CDKAL1: variants seen among roughly 807,000 people sequenced by gnomAD.
CDKAL1 encodes CDKAL1 threonylcarbamoyladenosine tRNA methylthiotransferase, also known as threonylcarbamoyladenosine tRNA methylthiotransferase.
A neutral mutation model predicts 68.2 loss-of-function variants in CDKAL1; 32 were observed. That is an observed-to-expected ratio of 0.47 (90% CI 0.35 to 0.63). CDKAL1 has a LOEUF of 0.63. CDKAL1 is among the 30% of genes least tolerant of loss of function. CDKAL1 has a pLI of 0.00. For synonymous variants in CDKAL1, 234 were observed against 244.3 expected (o/e 0.96, Z 0.39); for missense variants, 606 against 696.7 (o/e 0.87, Z 1.47).
intron 4 of CDKAL1, among the ~76,000 whole-genome samples, chr6:20,636,003 C>T (rs1450889302): frequency 6.6e-6 from 1 of 152,086 alleles, no homozygotes; most frequent in African/African-American, 2.4e-5. Flanking sequence ...CCTGATTTTG[C>T]CAGATTCTTC....
chr6:20,771,623 T>C (rs1227570493), intron 7 of CDKAL1, among the ~76,000 whole-genome samples: 1 of 152,174 alleles, frequency 6.6e-6, no homozygotes, highest in Non-Finnish European at 1.5e-5. Flanking sequence ...CATTTTGAAA[T>C]GTGATCCTCG....
At chr6:20,881,572 T>C (rs1364496100) in intron 9 of CDKAL1, among the ~76,000 whole-genome samples, 1 of 152,186 alleles carries the variant, frequency 6.6e-6, no homozygotes, top group African/African-American at 2.4e-5. Flanking sequence ...ACCTTTCCTA[T>C]TAATTATTAA....
intron 8 of CDKAL1, among the ~76,000 whole-genome samples, chr6:20,785,891 C>A (rs1775651180): frequency 6.6e-6 from 1 of 152,128 alleles, no homozygotes; most frequent in Non-Finnish European, 1.5e-5. Flanking sequence ...TTAGACTTTG[C>A]AAAGTTGTTA....
chr6:21,000,865 CAAG>C (rs1767392016), intron 11 of CDKAL1, among the ~76,000 whole-genome samples: 1 of 152,198 alleles, frequency 6.6e-6, no homozygotes, highest in Non-Finnish European at 1.5e-5. Flanking sequence ...TTGTGATTTA[CAAG>C]AAGGTTTGAG....
chr6:20,888,730 A>G (rs1041709405), intron 9 of CDKAL1, among the ~76,000 whole-genome samples: 3 of 152,046 alleles, frequency 2.0e-5, no homozygotes, highest in Middle Eastern at 3.4e-3. Flanking sequence ...GTAGAATTCC[A>G]TGGTGTATAT....
At chr6:20,755,904 A>T (rs1373465306) in intron 6 of CDKAL1, among the ~76,000 whole-genome samples, 1 of 152,134 alleles carries the variant, frequency 6.6e-6, no homozygotes, top group East Asian at 1.9e-4. Context: ...CTGTTATTTT[A>T]TGATATGCTT....
intron 8 of CDKAL1, among the ~76,000 whole-genome samples, chr6:20,806,959 T>A (rs1409751007): frequency 6.6e-6 from 1 of 152,078 alleles, no homozygotes; most frequent in Non-Finnish European, 1.5e-5. Flanking sequence ...AAATGTAGAG[T>A]GTTTAAAGCA....
chr6:20,569,974 G>A (rs561240269), intron 4 of CDKAL1, among the ~76,000 whole-genome samples: 1 of 152,090 alleles, frequency 6.6e-6, no homozygotes, highest in African/African-American at 2.4e-5. Context: ...TGTGTTGGAG[G>A]GTGTCTGGGA....
At chr6:20,535,909 C>T (rs933899355) in intron 2 of CDKAL1, among the ~76,000 whole-genome samples, 1 of 152,112 alleles carries the variant, frequency 6.6e-6, no homozygotes, top group East Asian at 1.9e-4. Context: ...ATGTTGACAT[C>T]TTTTCATGTG....
chr6:20,838,710 C>T (rs566683255), intron 8 of CDKAL1, among the ~76,000 whole-genome samples: 5 of 152,220 alleles, frequency 3.3e-5, no homozygotes, highest in East Asian at 3.9e-4. Flanking sequence ...CAGTGGTTCA[C>T]GCCTGTAATC....
intron 10 of CDKAL1, among the ~76,000 whole-genome samples, chr6:20,997,711 G>A (rs1020340274): frequency 2.6e-5 from 4 of 152,040 alleles, no homozygotes; most frequent in African/African-American, 7.2e-5. Context: ...TCTCTGGCCC[G>A]GGGTCATGTT....
chr6:20,728,814 G>A lies in CDKAL1; in HGVS notation c.372-10705G>A, dbSNP rs1379660420. Among the ~76,000 whole-genome samples the A allele has an allele frequency of 4.6e-5, 7 of 152,154 alleles. No individual in the cohort carries two copies. In the East Asian group the frequency reaches 9.6e-4, roughly 21 times the overall value. On this transcript the variant is annotated intron_variant, in intron 5 of 15. Coordinates refer to ENST00000274695, the MANE Select transcript of CDKAL1 (RefSeq NM_017774.3). ...TCTCTATAATAAGAAAGGTAAACACGTTGTGGAAACATTTTTATTAGAATG... is the reference window on the plus strand; with the variant it reads ...TCTCTATAATAAGAAAGGTAAACACATTGTGGAAACATTTTTATTAGAATG...
chr6:20,760,163 A>G (rs974226905), intron 7 of CDKAL1, among the ~76,000 whole-genome samples: 11 of 152,182 alleles, frequency 7.2e-5, no homozygotes, highest in African/African-American at 2.6e-4. Context: ...TTTTATAAAT[A>G]GAGATGAGAT....
chr6:21,060,469 A>C (rs1304716889), intron 11 of CDKAL1, among the ~76,000 whole-genome samples: 1 of 151,928 alleles, frequency 6.6e-6, no homozygotes, highest in Non-Finnish European at 1.5e-5. Context: ...AATTGTATTG[A>C]CTTTTTTCAA....
chr6:20,930,067 A>G (rs1034314374), intron 9 of CDKAL1, among the ~76,000 whole-genome samples: 9 of 152,116 alleles, frequency 5.9e-5, no homozygotes, highest in African/African-American at 2.2e-4. Flanking sequence ...TGATTTCTGG[A>G]CTTTTCTTGA....
chr6:21,093,731 T>A (rs1275210990), intron 12 of CDKAL1, among the ~76,000 whole-genome samples: 1 of 67,578 alleles, frequency 1.5e-5, no homozygotes, highest in Non-Finnish European at 2.7e-5. Flanking sequence ...TTTTTTTTTT[T>A]TTTGGAGACA....
chr6:20,558,753 G>A (rs1329276577), intron 4 of CDKAL1: 15 of 361,360 alleles, frequency 4.2e-5, no homozygotes, highest in Admixed American at 1.1e-4. Context: ...ATTTAAAGGC[G>A]TTACAATACA....
At chr6:20,983,092 A>T (rs1464120009) in intron 10 of CDKAL1, among the ~76,000 whole-genome samples, 2 of 152,228 alleles carry the variant, frequency 1.3e-5, no homozygotes, top group African/African-American at 4.8e-5. Context: ...CCAATTAAAG[A>T]ACTGACATGT....
intron 9 of CDKAL1, among the ~76,000 whole-genome samples, chr6:20,888,013 A>C (rs1484750626): frequency 6.6e-6 from 1 of 151,990 alleles, no homozygotes; most frequent in Admixed American, 6.6e-5. Context: ...TCTAGGGTAC[A>C]TGTGCACAAT....
Sources: allele counts gnomAD v4.1 joint callset (sites outside exome capture counted in the v4.1 genomes callset), GRCh38; gene constraint gnomAD v4.1.1; transcripts MANE v1.5; gene names NCBI Gene and HGNC (gene_info 2026-07-23, HGNC 2026-07-21).